The following TJP1 variants were observed in gnomAD, a reference collection of about 807,000 sequenced individuals.
The protein encoded by TJP1 is tight junction protein 1.
Under a neutral mutation model 194.2 loss-of-function variants are expected in TJP1, and 43 were observed. The observed-to-expected ratio is 0.22, with a 90% CI of 0.17 to 0.29. TJP1 has a LOEUF of 0.29. Among genes scored for constraint, TJP1 ranks in the 10% least tolerant of loss-of-function variants. The pLI is 1.00. For synonymous variants in TJP1, 801 were observed against 779.0 expected (o/e 1.03, Z -0.47); for missense variants, 1,971 against 2,185.7 (o/e 0.90, Z 1.96).
intron 1 of TJP1, among the ~76,000 whole-genome samples, chr15:29,817,073 A>G (rs2049977101): frequency 6.6e-6 from 1 of 152,236 alleles, no homozygotes; most frequent in South Asian, 2.1e-4. Context: ...ACAAAGGTCT[A>G]ATATCCAGAA....
chr15:29,881,430 G>C (rs145276814), intron 2 of TJP1, among the ~76,000 whole-genome samples: 5 of 152,282 alleles, frequency 3.3e-5, no homozygotes, highest in African/African-American at 1.2e-4. Flanking sequence ...TTCCTTTGTT[G>C]ATGTGTCCCT....
At chr15:29,742,948 A>G in intron 8 of TJP1, 167 bp from the exon 9 acceptor site, 3 of 492,180 alleles carry the variant, frequency 6.1e-6, no homozygotes. Context: ...GAGCATTACC[A>G]CAGAAAAACC....
At chr15:29,757,420 G>T (rs1398567231) in intron 8 of TJP1, among the ~76,000 whole-genome samples, 2 of 151,720 alleles carry the variant, frequency 1.3e-5, no homozygotes, top group African/African-American at 4.8e-5. Context: ...CACTTATACA[G>T]CCAAAATTAA....
At chr15:29,759,407 T>C (rs2045853104) in intron 8 of TJP1, 1 of 152,216 alleles carries the variant, frequency 6.6e-6, no homozygotes, top group South Asian at 2.1e-4. Context: ...TGTTTTGATA[T>C]ACATATTCAA....
intron 2 of TJP1, among the ~76,000 whole-genome samples, chr15:29,792,511 A>T (rs2048159573): frequency 6.6e-6 from 1 of 152,150 alleles, no homozygotes; most frequent in Admixed American, 6.5e-5. Flanking sequence ...GAAGTCACAT[A>T]ATGTATGTAA....
chr15:29,742,742 C>T lies in TJP1; in HGVS notation c.1050G>A (p.Gly350=), dbSNP rs2044507696. The T allele has an allele frequency of 2.5e-6, 4 of 1,604,362 alleles. No homozygotes were observed. Among genetic ancestry groups the T allele is most frequent in the Non-Finnish European group, 3.4e-6 (4 of 1,176,068 alleles). Residue 350 remains glycine, a synonymous_variant, in exon 9 of 28, where the codon GGG becomes GGA. Coordinates refer to ENST00000614355, the MANE Select transcript of TJP1 (RefSeq NM_001330239.4). ...SRDEERISKP[G]AVSTPVKHAD... ...CATGCTTTACAGGAGTTGAGACAGCCCCAGGTTTAGAAATTCTCTCTTCAT... is the reference window on the plus strand; with the variant it reads ...CATGCTTTACAGGAGTTGAGACAGCTCCAGGTTTAGAAATTCTCTCTTCAT...
chr15:29,850,980 A>C (rs920017680), intron 2 of TJP1, among the ~76,000 whole-genome samples: 1 of 152,114 alleles, frequency 6.6e-6, no homozygotes, highest in Non-Finnish European at 1.5e-5. Flanking sequence ...TCTACTAAAA[A>C]TACAAAAATT....
intron 2 of TJP1, among the ~76,000 whole-genome samples, chr15:29,794,632 A>T (rs924660767): frequency 2.0e-5 from 3 of 152,218 alleles, no homozygotes; most frequent in African/African-American, 7.2e-5. Flanking sequence ...ATTTTCCTAC[A>T]CATGAATTCC....
intron 23 of TJP1, 129 bp from the exon 24 acceptor site, chr15:29,711,129 A>C (rs2042219123): frequency 1.9e-6 from 2 of 1,053,328 alleles, no homozygotes; most frequent in South Asian, 4.2e-5. Flanking sequence ...TCTCATGAGT[A>C]TGGGTAGCTA....
chr15:29,752,767 AAAC>A (rs2151450499), intron 8 of TJP1, among the ~76,000 whole-genome samples: 1 of 152,350 alleles, frequency 6.6e-6, no homozygotes, highest in African/African-American at 2.4e-5. Flanking sequence ...TTCAAGTAAT[AAAC>A]AACATTAAAA....
intron 11 of TJP1, among the ~76,000 whole-genome samples, chr15:29,736,391 C>G (rs1182167624): frequency 6.6e-6 from 1 of 152,182 alleles, no homozygotes; most frequent in African/African-American, 2.4e-5. Context: ...CTGGAGCAGA[C>G]AGGAGGCTGA....
rs2042058896 is a variant in TJP1 at position 29,708,739 on chromosome 15, G to A, written c.4670C>T (p.Thr1557Ile). Residue 1557 changes from threonine (T) to isoleucine (I), a missense_variant, in exon 25 of 28, where the codon ACT becomes ATT. By Grantham distance (89) the Thr-to-Ile change is moderately conservative. Transcript: ENST00000614355. ...TGAAGACAAGTCAGGTTTATGTGCA[G>A]TTTCACTTGGCAGAAGATTGTGATT... ...KFNHNLLPSE[T>I]AHKPDLSSKT... The A allele has an allele frequency of 3.1e-6, 5 of 1,614,224 alleles. No individual in the cohort carries two copies. The highest frequency in any genetic ancestry group is 1.1e-5 in the South Asian group (1 of 91,088).
At chr15:29,922,930 GA>G (rs569602988) in intron 2 of TJP1, among the ~76,000 whole-genome samples, 1 of 151,602 alleles carries the variant, frequency 6.6e-6, no homozygotes, top group African/African-American at 2.4e-5. Context: ...AATTCTAAAA[GA>G]AAAAACACAA....
chr15:29,912,229 C>T (rs2054037705), intron 2 of TJP1, among the ~76,000 whole-genome samples: 2 of 152,326 alleles, frequency 1.3e-5, no homozygotes, highest in Admixed American at 1.3e-4. Context: ...GGCCTAATCA[C>T]CTCCCAAAGG....
At chr15:29,961,574 G>C (rs1225650514) in intron 1 of TJP1, among the ~76,000 whole-genome samples, 2 of 152,146 alleles carry the variant, frequency 1.3e-5, no homozygotes, top group Admixed American at 1.3e-4. Flanking sequence ...TCCCTTGTGA[G>C]AGTGTACTTT....
chr15:29,918,820 G>C (rs1246305555), intron 2 of TJP1, among the ~76,000 whole-genome samples: 1 of 152,090 alleles, frequency 6.6e-6, no homozygotes, highest in Non-Finnish European at 1.5e-5. Flanking sequence ...AGCGTAAAAA[G>C]AGAGATCAAA....
chr15:29,870,146 T>A (rs1386223510), intron 2 of TJP1, among the ~76,000 whole-genome samples: 1 of 146,750 alleles, frequency 6.8e-6, no homozygotes, highest in Admixed American at 6.8e-5. Flanking sequence ...GTCCCTTTCC[T>A]CTTTCTAATA....
At chr15:29,803,235 C>T (rs1370745453) in intron 1 of TJP1, among the ~76,000 whole-genome samples, 1 of 152,170 alleles carries the variant, frequency 6.6e-6, no homozygotes, top group East Asian at 1.9e-4. Flanking sequence ...TTCACAAAAT[C>T]TCATTCCTAT....
intron 2 of TJP1, among the ~76,000 whole-genome samples, chr15:29,888,014 C>T (rs1359170958): frequency 1.3e-5 from 2 of 151,814 alleles, no homozygotes; most frequent in Admixed American, 1.3e-4. Flanking sequence ...AGATGCTCTT[C>T]ACAGGGAAAA....
Sources: allele counts gnomAD v4.1 joint callset (sites outside exome capture counted in the v4.1 genomes callset), GRCh38; gene constraint gnomAD v4.1.1; transcripts MANE v1.5; gene names NCBI Gene and HGNC (gene_info 2026-07-23, HGNC 2026-07-21).